NUF2: variants seen among roughly 807,000 people sequenced by gnomAD.
The protein encoded by NUF2 is kinetochore protein Nuf2.
A neutral mutation model predicts 61.8 loss-of-function variants in NUF2; 34 were observed. That is an observed-to-expected ratio of 0.55 (90% confidence interval 0.42 to 0.73). The LOEUF (loss-of-function observed/expected upper bound fraction) is 0.73. Ranked by LOEUF, NUF2 falls within the 30% of genes least tolerant of loss-of-function variation. NUF2 has a pLI of 0.00. For synonymous variants in NUF2, 172 were observed against 181.6 expected (o/e 0.95, Z 0.42); for missense variants, 445 against 539.1 (o/e 0.83, Z 1.73).
intron 5 of NUF2, among the ~76,000 whole-genome samples, chr1:163,331,549 T>G (rs187758201): frequency 3.0e-3 from 454 of 152,150 alleles, no homozygotes; most frequent in Non-Finnish European, 5.2e-3. Context: ...CTTCCATTTT[T>G]GGGAATTGTT....
At chr1:163,353,106 T>G (rs536635304) in intron 13 of NUF2, among the ~76,000 whole-genome samples, 1 of 152,302 alleles carries the variant, frequency 6.6e-6, no homozygotes, top group African/African-American at 2.4e-5. Flanking sequence ...ATAAAAAATT[T>G]TGTTCTTTAT....
intron 10 of NUF2, among the ~76,000 whole-genome samples, chr1:163,345,270 T>G (rs986066880): frequency 6.6e-6 from 1 of 152,204 alleles, no homozygotes; most frequent in African/African-American, 2.4e-5. Flanking sequence ...GATGAGTTAA[T>G]GTTTTTAAAA....
At position 163,328,838 on chromosome 1, in the gene NUF2, T is replaced by A. The variant is rs1650509053; in HGVS notation, c.276-8T>A. ...TTTTCAATAGTCTTTTTGTACTTCA[T>A]CTTCAAGGGACTCATTTTTGCCTAT... On this transcript the variant is annotated splice_polypyrimidine_tract_variant and splice_region_variant and intron_variant, in intron 4 of 13. Transcript: ENST00000271452. 1.3e-6 allele frequency: 2 copies of A among 1,581,878 alleles called. No individual in the cohort carries two copies. The highest frequency in any genetic ancestry group is 4.5e-5 in the East Asian group (2 of 44,638).
intron 7 of NUF2, 103 bp downstream of exon 7, chr1:163,338,196 C>T (rs1650826916): frequency 5.3e-6 from 4 of 752,962 alleles, no homozygotes; most frequent in Admixed American, 2.4e-5. Context: ...TCTCTTTTAT[C>T]TCCCTTAATA....
chr1:163,331,419 G>GT (rs1171355952), intron 5 of NUF2, among the ~76,000 whole-genome samples: 2 of 151,714 alleles, frequency 1.3e-5, no homozygotes, highest in African/African-American at 2.4e-5. Flanking sequence ...ATTTTATTAA[G>GT]TTTTTTTGTC....
At chr1:163,336,712 T>C (rs767377057) in intron 5 of NUF2, 39 bp from the exon 6 acceptor site, 1 of 1,255,364 alleles carries the variant, frequency 8.0e-7, no homozygotes, top group Non-Finnish European at 1.2e-6. Flanking sequence ...ATTATGTTAG[T>C]TCAAAGGTTT....
intron 13 of NUF2, among the ~76,000 whole-genome samples, chr1:163,352,923 G>A (rs901512887): frequency 1.3e-5 from 2 of 151,814 alleles, no homozygotes; most frequent in Non-Finnish European, 2.9e-5. Context: ...AGGTCCAGTA[G>A]AAACTATGTC....
intron 13 of NUF2, among the ~76,000 whole-genome samples, chr1:163,352,519 C>T (rs1414088502): frequency 6.6e-6 from 1 of 152,202 alleles, no homozygotes; most frequent in African/African-American, 2.4e-5. Context: ...ACACTTGATT[C>T]AGAGAGTAAG....
intron 12 of NUF2, 60 bp downstream of exon 12, chr1:163,347,998 T>C: frequency 8.0e-7 from 1 of 1,256,102 alleles, no homozygotes; most frequent in Non-Finnish European, 1.1e-6. Context: ...CAAATACATT[T>C]TTCCCCCAGG....
chr1:163,339,436 G>A lies in NUF2; in HGVS notation c.565G>A (p.Glu189Lys). The A allele has an allele frequency of 6.2e-7, 1 of 1,612,804 alleles. No homozygotes were observed. The highest frequency in any genetic ancestry group is 8.5e-7 in the Non-Finnish European group (1 of 1,178,988). ...EFKQLSDGIQ[E>K]LQQSLNQDFH... ...CAAGCAGCTTTCAGATGGAATTCAGGAGCTACAACAATCACTAAATCAGGA... is the reference window on the plus strand; with the variant it reads ...CAAGCAGCTTTCAGATGGAATTCAGAAGCTACAACAATCACTAAATCAGGA... The change falls in exon 8 of 14, where the codon GAG (glutamate) becomes AAG (lysine). Residue 189 changes from glutamate (E) to lysine (K), a missense_variant. Transcript: ENST00000271452.
chr1:163,324,960 G>A (rs962816912), intron 1 of NUF2, among the ~76,000 whole-genome samples: 13 of 146,970 alleles, frequency 8.8e-5, no homozygotes, highest in Admixed American at 1.4e-4. Flanking sequence ...GCAGTGGTGC[G>A]ATCTCAGTTC....
chr1:163,323,018 T>A (rs150111041), intron 1 of NUF2: 374 of 152,308 alleles, frequency 2.5e-3, no homozygotes, highest in African/African-American at 8.8e-3. Flanking sequence ...GGAGACTAAC[T>A]TGGAGCAGAA....
At position 163,329,243 on chromosome 1, in the gene NUF2, A is replaced by G. The variant is rs148768855; in HGVS notation, c.337+336A>G. Among the ~76,000 whole-genome samples, 52 of 152,280 alleles carry G rather than the reference A, an allele frequency of 3.4e-4. No individual in the cohort carries two copies. In the East Asian group the frequency reaches 9.5e-3, roughly 28 times the overall value. On this transcript the variant is annotated intron_variant, in intron 5 of 13. Coordinates refer to ENST00000271452, the MANE Select transcript of NUF2 (RefSeq NM_145697.3). ...ACCAATTTTATCAAATGTAAGAATTACTATTTACCATATAGAAATTATCTT... is the reference window on the plus strand; with the variant it reads ...ACCAATTTTATCAAATGTAAGAATTGCTATTTACCATATAGAAATTATCTT...
chr1:163,342,023 G>T (rs1571390868), intron 9 of NUF2, among the ~76,000 whole-genome samples: 1 of 152,130 alleles, frequency 6.6e-6, no homozygotes, highest in East Asian at 1.9e-4. Flanking sequence ...CCATTAAAAG[G>T]TTTATGTTTT....
rs1297230275 is a variant in NUF2, at chr1:163,323,805, T to G, written c.-21+1593T>G. Among the ~76,000 whole-genome samples, 11 of 152,196 alleles carry G rather than the reference T, an allele frequency of 7.2e-5. No homozygotes were observed. In the East Asian group the frequency reaches 2.1e-3, roughly 29 times the overall value. On this transcript the variant is annotated intron_variant, in intron 1 of 13. Transcript: ENST00000271452. ...TTTAATAGTAGAAAGTACAAATCCTTGCTTAAGTTTCAAATAATCAATTTA... is the reference window on the plus strand; with the variant it reads ...TTTAATAGTAGAAAGTACAAATCCTGGCTTAAGTTTCAAATAATCAATTTA...
chr1:163,355,066 AAT>A (rs1319626530), intron 13 of NUF2, among the ~76,000 whole-genome samples: 9 of 152,154 alleles, frequency 5.9e-5, no homozygotes, highest in South Asian at 2.1e-4. Flanking sequence ...GATAATTATA[AAT>A]ATGTTTGTTC....
Position 163,328,301 on chromosome 1 carries a change from A to G in NUF2, c.272A>G (p.His91Arg). ...TTACCATTCAGCAATTTAGTTACTC[A>G]TCTGTGAGTAAAGAGTGATTTTATT... Reference protein sequence around the residue: ...GFLPFSNLVTHLDSFLPICRV... With the variant: ...GFLPFSNLVTRLDSFLPICRV... Residue 91 changes from histidine to arginine, a missense_variant, in exon 4 of 14, where the codon CAT becomes CGT. Physicochemically the swap from His to Arg is conservative, Grantham distance 29. Transcript: ENST00000271452. 6.3e-7 allele frequency: 1 copy of G among 1,580,974 alleles called. No homozygotes were observed. Among genetic ancestry groups the G allele is most frequent in the Non-Finnish European group, 8.7e-7 (1 of 1,152,884 alleles).
chr1:163,343,758 CT>C lies in NUF2; in HGVS notation c.698del (p.Leu233Ter). The C allele has an allele frequency of 7.1e-7, 1 of 1,414,426 alleles. No homozygotes were observed. Among genetic ancestry groups the C allele is most frequent in the Non-Finnish European group, 9.4e-7 (1 of 1,064,298 alleles). 87.6% of individuals were successfully genotyped at this position (1,414,426 alleles called of 1,614,324 possible). ...RLNELKLSVV[S>X]LKEIQESLKT... is the part of the protein sequence containing the mutation. ...AATGAACTAAAATTGTCGGTGGTTT[CT>C]TTGAAAGAAATACAAGAGAGTTTGA... On this transcript the variant is annotated frameshift_variant, in exon 10 of 14. Coordinates refer to ENST00000271452, the MANE Select transcript of NUF2 (RefSeq NM_145697.3). LOFTEE classifies it high-confidence loss of function.
intron 1 of NUF2, among the ~76,000 whole-genome samples, chr1:163,323,663 G>A (rs1650314593): frequency 6.6e-6 from 1 of 152,062 alleles, no homozygotes; most frequent in African/African-American, 2.4e-5. Context: ...AGGCTGCAGT[G>A]AGCTGTGATT....
Sources: gnomAD v4.1 joint callset for allele counts (sites outside exome capture counted in the v4.1 genomes callset) on GRCh38, gnomAD v4.1.1 for gene constraint, MANE v1.5 for transcripts, NCBI Gene and HGNC (gene_info 2026-07-23, HGNC 2026-07-21) for gene names.